Variants in GLYR1 observed in about 807,000 individuals in gnomAD.
GLYR1 encodes glyoxylate reductase 1 homolog, also known as cytokine-like nuclear factor N-PAC.
In GLYR1, 21 loss-of-function variants were observed where a neutral mutation model predicts 72.7. The ratio of observed to expected loss-of-function variants is 0.29; its 90% CI spans 0.20 to 0.42. The LOEUF (loss-of-function observed/expected upper bound fraction) is 0.42, where lower values mean the gene tolerates loss of function less well. GLYR1 is among the 10% of genes least tolerant of loss of function. GLYR1 has a pLI of 1.00. For missense variants in GLYR1, 594 were observed against 712.1 expected, an observed-to-expected ratio of 0.83 and a Z score of 1.89; for synonymous variants, 392 against 270.2, an observed-to-expected ratio of 1.45 and a Z score of -4.42.
chr16:4,833,037 C>A, intron 3 of GLYR1, 125 bp from the exon 4 acceptor site: 1 of 804,042 alleles, frequency 1.2e-6, no homozygotes, highest in East Asian at 2.9e-5. Flanking sequence ...TAGGCCTTGC[C>A]ATTTCTTTCA....
intron 3 of GLYR1, among the ~76,000 whole-genome samples, chr16:4,835,169 T>C (rs2085052090): frequency 6.6e-6 from 1 of 152,074 alleles, no homozygotes; most frequent in South Asian, 2.1e-4. Context: ...CGAGACTTGC[T>C]AATCCCACCC....
At chr16:4,827,552 G>A (rs9938805) in intron 5 of GLYR1, among the ~76,000 whole-genome samples, 1 of 151,630 alleles carries the variant, frequency 6.6e-6, no homozygotes, top group Non-Finnish European at 1.5e-5. Flanking sequence ...TTTATTATGC[G>A]TTGTTTTATT....
rs1002450292 is a variant in GLYR1, at chr16:4,830,779, G to A, written c.537+1200C>T. On this transcript the variant is annotated intron_variant, in intron 5 of 15. Transcript: ENST00000321919. Reference sequence around the variant, plus strand: ...ATCTTGTCAGCAAGAAGGCGAGAGAGGCACTCTCACTGCTTTATCTCATCT... The same window carrying A: ...ATCTTGTCAGCAAGAAGGCGAGAGAAGCACTCTCACTGCTTTATCTCATCT... Among the ~76,000 whole-genome samples, 3 of 152,302 alleles carry A rather than the reference G, an allele frequency of 2.0e-5. No homozygotes were observed. The South Asian group carries it at 6.2e-4, about 32-fold the overall frequency.
Position 4,816,461 on chromosome 16 carries a change from CCTA to C in GLYR1, c.906+1134_906+1136del, listed in dbSNP as rs1369672795. On this transcript the variant is annotated intron_variant, in intron 10 of 15. Transcript: ENST00000321919. The stretch of plus-strand genomic sequence containing the variant: ...TAGATCTAAAATTATTAATTAGCAC[CCTA>C]CTAATTTTTTTGTCTTAATTATCAA... 5.9e-5 allele frequency among the ~76,000 whole-genome samples: 9 copies of C among 152,118 alleles called. 1 individual carries two copies. In the South Asian group the frequency reaches 6.2e-4, roughly 11 times the overall value.
chr16:4,817,155 T>C (rs999574085), intron 10 of GLYR1, among the ~76,000 whole-genome samples: 2 of 151,320 alleles, frequency 1.3e-5, no homozygotes, highest in African/African-American at 2.4e-5. Context: ...AGTCTTGCTC[T>C]GTCGCCCAGG....
rs2084000761 is a variant in GLYR1 at position 4,821,213 on chromosome 16, C to A, written c.806+167G>T. 20 of 697,032 alleles carry A rather than the reference C, an allele frequency of 2.9e-5. No individual in the cohort carries two copies. The South Asian group carries it at 3.6e-4, about 13-fold the overall frequency. 43.2% of individuals were successfully genotyped at this position (697,032 alleles called of 1,614,324 possible). ...GAGACCCGACCACAGATTTACACAGCTTTTGACTCCTGTCTTTATCGATAA... is the reference window on the plus strand; with the variant it reads ...GAGACCCGACCACAGATTTACACAGATTTTGACTCCTGTCTTTATCGATAA... On this transcript the variant is annotated intron_variant, in intron 9 of 15. Coordinates refer to ENST00000321919, the MANE Select transcript of GLYR1 (RefSeq NM_032569.4).
intron 6 of GLYR1, 119 bp from the exon 7 acceptor site, chr16:4,823,050 C>A (rs931411228): frequency 5.9e-6 from 5 of 843,378 alleles, no homozygotes; most frequent in Non-Finnish European, 9.9e-6. Flanking sequence ...CTCTTTTTCA[C>A]AATTGTCTGG....
chr16:4,817,839 C>G, intron 9 of GLYR1, 142 bp from the exon 10 acceptor site: 1 of 645,800 alleles, frequency 1.5e-6, no homozygotes, highest in Non-Finnish European at 2.8e-6. Context: ...GGCCAATCTA[C>G]CTGCAGAGCC....
intron 3 of GLYR1, among the ~76,000 whole-genome samples, chr16:4,836,088 T>C (rs1402389833): frequency 1.3e-5 from 2 of 152,192 alleles, no homozygotes; most frequent in Admixed American, 1.3e-4. Context: ...TATGAGCCAC[T>C]GCAACTGGCC....
chr16:4,817,960 T>A (rs188022556), intron 9 of GLYR1: 103 of 428,324 alleles, frequency 2.4e-4, no homozygotes, highest in Non-Finnish European at 3.9e-4. Flanking sequence ...ATGATGTGTA[T>A]GGTTCAGGGC....
At chr16:4,806,135 G>C (rs1433042719) in intron 15 of GLYR1, among the ~76,000 whole-genome samples, 1 of 152,176 alleles carries the variant, frequency 6.6e-6, no homozygotes, top group Non-Finnish European at 1.5e-5. Flanking sequence ...GGTAATATCT[G>C]GAGACATTTT....
intron 5 of GLYR1, among the ~76,000 whole-genome samples, chr16:4,825,462 T>C (rs1257493385): frequency 1.3e-5 from 2 of 152,216 alleles, no homozygotes; most frequent in East Asian, 1.9e-4. Context: ...TCTGCTGAAA[T>C]GTCACCTTAT....
chr16:4,843,445 A>T (rs2085710680), intron 3 of GLYR1: 1 of 1,217,036 alleles, frequency 8.2e-7, no homozygotes, highest in Non-Finnish European at 1.0e-6. Context: ...CTGAGGCACC[A>T]TGCCCGGCCA....
At chr16:4,808,492 G>C (rs139952407) in intron 15 of GLYR1, among the ~76,000 whole-genome samples, 52 of 152,168 alleles carry the variant, frequency 3.4e-4, no homozygotes, top group African/African-American at 1.2e-3. Context: ...CAGCTACTGT[G>C]GAGGCTGAGG....
chr16:4,837,758 CCT>C (rs1306666289), intron 3 of GLYR1, among the ~76,000 whole-genome samples: 1 of 151,908 alleles, frequency 6.6e-6, no homozygotes, highest in Admixed American at 6.6e-5. Flanking sequence ...ACGGTGAAAC[CCT>C]GTCTCTACTA....
chr16:4,819,679 T>A (rs2083891097), intron 9 of GLYR1, among the ~76,000 whole-genome samples: 1 of 152,178 alleles, frequency 6.6e-6, no homozygotes, highest in African/African-American at 2.4e-5. Flanking sequence ...GACCCTGTCA[T>A]TCTTTCCATA....
chr16:4,814,723 G>T, intron 10 of GLYR1, 76 bp from the exon 11 acceptor site: 1 of 1,189,876 alleles, frequency 8.4e-7, no homozygotes, highest in Non-Finnish European at 1.2e-6. Context: ...GAGAATTGCT[G>T]ACCAGGCCTC....
At chr16:4,823,763 T>A in intron 6 of GLYR1, 58 bp downstream of exon 6, 524 of 988,958 alleles carry the variant, frequency 5.3e-4, no homozygotes, top group Non-Finnish European at 7.3e-4. Context: ...AAAAAAAGGA[T>A]CACACAGGAA....
At chr16:4,832,654 C>T in intron 4 of GLYR1, 120 bp downstream of exon 4, 2 of 1,179,758 alleles carry the variant, frequency 1.7e-6, no homozygotes, top group Non-Finnish European at 1.2e-6. Flanking sequence ...ACTGAAGTAG[C>T]TTTCTCCAGT....
Sources: gnomAD v4.1 joint callset for allele counts (sites outside exome capture counted in the v4.1 genomes callset) on GRCh38, gnomAD v4.1.1 for gene constraint, MANE v1.5 for transcripts, NCBI Gene and HGNC (gene_info 2026-07-23, HGNC 2026-07-21) for gene names.